The following CMIP variants were observed in gnomAD, a reference collection of about 807,000 sequenced individuals.
CMIP encodes c-Maf inducing protein, also known as C-Maf-inducing protein.
CMIP carries 13 observed loss-of-function variants against 97.3 expected under a neutral mutation model. The observed-to-expected ratio is 0.13, with a 90% CI of 0.09 to 0.21. The LOEUF is 0.21. Ranked by LOEUF, CMIP falls within the 10% of genes least tolerant of loss-of-function variation. The probability of loss-of-function intolerance (pLI) is 1.00; values close to 1 mark genes in which losing one functional copy is unlikely to be tolerated. For synonymous variants in CMIP, 538 were observed against 436.3 expected, an observed-to-expected ratio of 1.23 and a Z score of -2.91; for missense variants, 847 against 1,024.9, an observed-to-expected ratio of 0.83 and a Z score of 2.37.
At position 81,458,433 on chromosome 16, in the gene CMIP, C is replaced by T. The variant is rs1567525999; in HGVS notation, c.300+12892C>T. ...GGTAAGCAGGGCACCCTCTCTGGGCCAGCACAGCCCTGGCTGGGGGCATGA... is the reference window on the plus strand; with the variant it reads ...GGTAAGCAGGGCACCCTCTCTGGGCTAGCACAGCCCTGGCTGGGGGCATGA... On this transcript the variant is annotated intron_variant, in intron 1 of 20. Coordinates refer to ENST00000537098, the MANE Select transcript of CMIP (RefSeq NM_198390.3). Among the ~76,000 whole-genome samples, 3 of 152,148 alleles carry T rather than the reference C, an allele frequency of 2.0e-5. No homozygotes were observed. The South Asian group carries it at 6.2e-4, about 32-fold the overall frequency.
At chr16:81,583,734 G>C (rs1419318680) in intron 1 of CMIP, among the ~76,000 whole-genome samples, 22 of 152,144 alleles carry the variant, frequency 1.4e-4, no homozygotes, top group Admixed American at 1.4e-3. Context: ...CCTTTCCCAA[G>C]TGGTTTCTGG....
rs1188264385 is a variant in CMIP at position 81,621,625 on chromosome 16, C to T, written c.477+699C>T. The T allele has an allele frequency of 6.5e-6, 1 of 152,764 alleles. No individual in the cohort carries two copies. Among genetic ancestry groups the T allele is most frequent in the Non-Finnish European group, 1.5e-5 (1 of 68,144 alleles). The allele number at this position is 152,764 out of a possible 1,614,324, so 9.5% of individuals were successfully genotyped here. ...CTGTCTCTCCTTGTCTTCTGATCTT[C>T]TGGTTTAGAACAAGCTTTGACAGGC... On this transcript the variant is annotated intron_variant, in intron 3 of 20. Coordinates refer to ENST00000537098, the MANE Select transcript of CMIP (RefSeq NM_198390.3). This position sits in a 1 kb window ranked among gnomAD's most constrained non-coding sequence, Gnocchi z 4.1.
At chr16:81,568,178 A>T (rs2150883930) in intron 1 of CMIP, among the ~76,000 whole-genome samples, 1 of 151,764 alleles carries the variant, frequency 6.6e-6, no homozygotes, top group South Asian at 2.1e-4. Context: ...CGTAGGCTTG[A>T]TGTTGAGGTC....
chr16:81,555,197 T>C (rs558812375), intron 1 of CMIP, among the ~76,000 whole-genome samples: 8 of 152,194 alleles, frequency 5.3e-5, no homozygotes, highest in African/African-American at 1.9e-4. Context: ...GCATTTCCGA[T>C]GTTGTCATTG....
rs151296441 is a variant in CMIP, at chr16:81,657,829, C to G, written c.681+13C>G. 6.3e-7 allele frequency: 1 copy of G among 1,598,936 alleles called. No homozygotes were observed. The highest frequency in any genetic ancestry group is 1.3e-5 in the African/African-American group (1 of 74,528). ...AAACATCATTGTGGTAAGTTCCTCT[C>G]GAACACGCTCCCTCCACCCACCTCC... On this transcript the variant is annotated intron_variant, in intron 5 of 20. Transcript: ENST00000537098.
chr16:81,699,792 C>T lies in CMIP; in HGVS notation c.1746C>T (p.Thr582=). 1.9e-6 allele frequency: 3 copies of T among 1,610,364 alleles called. No homozygotes were observed. Among genetic ancestry groups the T allele is most frequent in the Non-Finnish European group, 2.5e-6 (3 of 1,177,180 alleles). ...CMLLALRGNQ[T]MVEILCLMLE... ...TCCTGGCACTGAGGGGGAACCAGACCATGGTGGAGGTAAGGAGCTGGTCGG... is the reference window on the plus strand; with the variant it reads ...TCCTGGCACTGAGGGGGAACCAGACTATGGTGGAGGTAAGGAGCTGGTCGG... The change falls in exon 15 of 21, where the codon ACC becomes ACT. Residue 582 remains threonine, a synonymous_variant. Coordinates refer to ENST00000537098, the MANE Select transcript of CMIP (RefSeq NM_198390.3).
chr16:81,512,298 T>A (rs2927305), intron 1 of CMIP, among the ~76,000 whole-genome samples: 3 of 151,742 alleles, frequency 2.0e-5, no homozygotes, highest in Non-Finnish European at 4.4e-5. Context: ...CATGCCTTGG[T>A]GGGGGTCTTT....
At chr16:81,608,958 G>A (rs567200143) in intron 2 of CMIP, among the ~76,000 whole-genome samples, 57 of 152,278 alleles carry the variant, frequency 3.7e-4, no homozygotes, top group African/African-American at 1.3e-3. Flanking sequence ...TTGTGTAACA[G>A]CATTGGGCTG....
chr16:81,659,981 C>T (rs2092526596), intron 5 of CMIP, among the ~76,000 whole-genome samples: 1 of 152,202 alleles, frequency 6.6e-6, no homozygotes, highest in African/African-American at 2.4e-5. Flanking sequence ...AATTAGTCTT[C>T]TTTGGACATG....
chr16:81,585,664 A>G (rs2091370093), intron 1 of CMIP, among the ~76,000 whole-genome samples: 1 of 127,404 alleles, frequency 7.8e-6, no homozygotes, highest in Admixed American at 8.3e-5. Context: ...AACGGCAGAC[A>G]CCGCATGGCA....
chr16:81,527,723 T>C (rs1597509227), intron 1 of CMIP, among the ~76,000 whole-genome samples: 2 of 152,394 alleles, frequency 1.3e-5, no homozygotes, highest in Middle Eastern at 6.8e-3. Context: ...CTGGCCTCTT[T>C]GGCTCCACAT....
intron 1 of CMIP, among the ~76,000 whole-genome samples, chr16:81,488,810 C>T (rs1030183741): frequency 3.3e-5 from 5 of 152,108 alleles, no homozygotes; most frequent in African/African-American, 4.8e-5. Flanking sequence ...ATCTGGAAGA[C>T]GGGGAGAGAA....
chr16:81,459,991 C>G (rs756102047), intron 1 of CMIP, among the ~76,000 whole-genome samples: 2 of 152,222 alleles, frequency 1.3e-5, no homozygotes, highest in African/African-American at 2.4e-5. Flanking sequence ...CCAGTGTCCC[C>G]TCCAGTGGGG....
At chr16:81,570,054 C>T (rs2091057208) in intron 1 of CMIP, among the ~76,000 whole-genome samples, 1 of 152,192 alleles carries the variant, frequency 6.6e-6, no homozygotes, top group Non-Finnish European at 1.5e-5. Context: ...CTAGAATCTT[C>T]CTTTTCCCTC....
chr16:81,523,145 C>A (rs563043358), intron 1 of CMIP, among the ~76,000 whole-genome samples: 32 of 152,276 alleles, frequency 2.1e-4, no homozygotes, highest in African/African-American at 7.2e-4. Context: ...GCCTCGAATT[C>A]CTGGGCTCAA....
chr16:81,607,243 G>T (rs1042618663), intron 1 of CMIP, among the ~76,000 whole-genome samples: 1 of 152,202 alleles, frequency 6.6e-6, no homozygotes, highest in African/African-American at 2.4e-5. Flanking sequence ...GAGGGATGGC[G>T]GGCTTCCAGC....
In CMIP at chr16:81,670,210, C is replaced by G; in HGVS notation, c.894C>G (p.Asn298Lys). 6.2e-7 allele frequency: 1 copy of G among 1,611,570 alleles called. No homozygotes were observed. The highest frequency in any genetic ancestry group is 8.5e-7 in the Non-Finnish European group (1 of 1,178,992). ...ACATCCTTGCCTTGAACGAGCTCAACGCGGGGATGGAAGTGGTGAAGAAGT... is the reference window on the plus strand; with the variant it reads ...ACATCCTTGCCTTGAACGAGCTCAAGGCGGGGATGGAAGTGGTGAAGAAGT... ...QEYILALNEL[N>K]AGMEVVKKFI... The change falls in exon 8 of 21, where the codon AAC (asparagine) becomes AAG (lysine). Residue 298 changes from asparagine to lysine, a missense_variant. Coordinates refer to ENST00000537098, the MANE Select transcript of CMIP (RefSeq NM_198390.3).
At chr16:81,644,157 T>G (rs2092337013) in intron 3 of CMIP, among the ~76,000 whole-genome samples, 1 of 152,250 alleles carries the variant, frequency 6.6e-6, no homozygotes, top group Non-Finnish European at 1.5e-5. Context: ...TCTCACTTTC[T>G]AGTTAAGTTG....
intron 1 of CMIP, among the ~76,000 whole-genome samples, chr16:81,456,385 G>A (rs1276372425): frequency 6.6e-6 from 1 of 152,206 alleles, no homozygotes; most frequent in Non-Finnish European, 1.5e-5. Context: ...AACCCAGGCA[G>A]CCTAACTCCA....
Sources: allele counts gnomAD v4.1 joint callset (sites outside exome capture counted in the v4.1 genomes callset), GRCh38; gene constraint gnomAD v4.1.1; non-coding constraint Gnocchi (gnomAD v3.1); transcripts MANE v1.5; gene names NCBI Gene and HGNC (gene_info 2026-07-23, HGNC 2026-07-21).